The following TENM3 variants were observed in gnomAD, a reference collection of about 807,000 sequenced individuals.
TENM3 encodes the protein teneurin-3.
TENM3 carries 63 observed loss-of-function variants against 255.1 expected under a neutral mutation model. The observed-to-expected ratio is 0.25, with a 90% confidence interval of 0.20 to 0.30. TENM3 has a LOEUF of 0.30. Among genes scored for constraint, TENM3 ranks in the 10% least tolerant of loss-of-function variants. The pLI is 1.00. For missense variants in TENM3, 2,929 were observed against 3,461.1 expected, an observed-to-expected ratio of 0.85 and a Z score of 3.86; for synonymous variants, 1,306 against 1,322.3, an observed-to-expected ratio of 0.99 and a Z score of 0.27.
the TENM3 span, among the ~76,000 whole-genome samples, chr4:181,742,992 C>G: frequency 6.6e-6 from 1 of 151,732 alleles, no homozygotes; most frequent in Non-Finnish European, 1.5e-5. Context: ...CATGTCCCTA[C>G]AAAGAACATG....
At chr4:181,828,514 G>A in the TENM3 span, among the ~76,000 whole-genome samples, 5 of 152,192 alleles carry the variant, frequency 3.3e-5, no homozygotes, top group Admixed American at 2.6e-4. Context: ...AAGAGTTCAT[G>A]TTTCTTGCCC....
At chr4:182,457,556 A>ACCTTTT (rs1773976614) in intron 3 of TENM3, among the ~76,000 whole-genome samples, 1 of 38,988 alleles carries the variant, frequency 2.6e-5, no homozygotes, top group Non-Finnish European at 6.0e-5. Flanking sequence ...AATCATGTAT[A>ACCTTTT]TCTTTTTTTT....
the TENM3 span, among the ~76,000 whole-genome samples, chr4:181,965,870 C>T: frequency 6.6e-6 from 1 of 152,170 alleles, no homozygotes; most frequent in African/African-American, 2.4e-5. Flanking sequence ...CATCCCATCA[C>T]TTGGAGTGAT....
chr4:182,688,219 C>G lies in TENM3; in HGVS notation c.2089C>G (p.Arg697Gly), dbSNP rs766457503. 1 of 1,613,848 alleles carries G rather than the reference C, an allele frequency of 6.2e-7. No homozygotes were observed. The highest frequency in any genetic ancestry group is 8.5e-7 in the Non-Finnish European group (1 of 1,179,852). ...CGGCGTTTGCATGGGGGGGACGTGTCGCTGTGAAGAAGGCTGGACGGGCCC... is the reference window on the plus strand; with the variant it reads ...CGGCGTTTGCATGGGGGGGACGTGTGGCTGTGAAGAAGGCTGGACGGGCCC... ...SHGVCMGGTC[R>G]CEEGWTGPAC... Residue 697 changes from arginine to glycine, a missense_variant, in exon 12 of 28, where the codon CGC becomes GGC. Physicochemically the swap from Arg to Gly is moderately radical, Grantham distance 125 (BLOSUM62 -2). Transcript: ENST00000511685.
chr4:181,733,788 T>A, the TENM3 span, among the ~76,000 whole-genome samples: 1 of 152,182 alleles, frequency 6.6e-6, no homozygotes. Context: ...CTGCTTCCCA[T>A]TCTTTGTTTT....
chr4:182,392,054 C>G lies in TENM3; in HGVS notation c.511+45125C>G, dbSNP rs148781547. On this transcript the variant is annotated intron_variant, in intron 3 of 27. Coordinates refer to ENST00000511685, the MANE Select transcript of TENM3 (RefSeq NM_001080477.4). ...TTTTTAGTTAACTTTACTTATAATT[C>G]AACTACCAGTACTCTCAAGTCACTG... is the stretch of plus-strand genomic sequence containing the variant. 4.1e-3 allele frequency among the ~76,000 whole-genome samples: 627 copies of G among 152,284 alleles called. 5 individuals carry two copies. Among genetic ancestry groups the G allele is most frequent in the African/African-American group, 0.015 (603 of 41,554 alleles).
chr4:181,768,484 T>G, the TENM3 span, among the ~76,000 whole-genome samples: 3 of 152,222 alleles, frequency 2.0e-5, no homozygotes, highest in Non-Finnish European at 2.9e-5. Context: ...ACAAAAATAG[T>G]TCTTAGTTTT....
intron 3 of TENM3, among the ~76,000 whole-genome samples, chr4:182,531,209 C>T (rs1433355469): frequency 6.6e-6 from 1 of 152,046 alleles, no homozygotes; most frequent in Non-Finnish European, 1.5e-5. Flanking sequence ...ACTTCCGAGA[C>T]ATTCAATAAG....
chr4:181,816,945 G>A, the TENM3 span, among the ~76,000 whole-genome samples: 3 of 152,192 alleles, frequency 2.0e-5, no homozygotes, highest in Non-Finnish European at 4.4e-5. Flanking sequence ...CATCCTATGA[G>A]AGATAGTTTC....
At chr4:182,646,993 A>T (rs767352477) in intron 5 of TENM3, among the ~76,000 whole-genome samples, 8 of 152,194 alleles carry the variant, frequency 5.3e-5, no homozygotes, top group Non-Finnish European at 1.0e-4. Flanking sequence ...GTAAGTAAGC[A>T]TGACATTTAT....
chr4:182,650,889 A>AAAAAAAAAATATATAT (rs1281790163), intron 5 of TENM3, among the ~76,000 whole-genome samples: 1 of 29,774 alleles, frequency 3.4e-5, no homozygotes, highest in Non-Finnish European at 5.7e-5. Context: ...AATAAAAAAA[A>AAAAAAAAAATATATAT]ATATATATAT....
chr4:182,411,986 A>C (rs1336743752), intron 3 of TENM3, among the ~76,000 whole-genome samples: 2 of 152,206 alleles, frequency 1.3e-5, no homozygotes, highest in Non-Finnish European at 2.9e-5. Flanking sequence ...GAGAAACAGA[A>C]GCAGGTAGAG....
At chr4:182,291,821 C>T (rs1366842761) in intron 1 of TENM3, among the ~76,000 whole-genome samples, 1 of 152,068 alleles carries the variant, frequency 6.6e-6, no homozygotes, top group Non-Finnish European at 1.5e-5. Flanking sequence ...AGTGGGGTCG[C>T]GTTCCCATGG....
At chr4:182,232,726 C>G (rs576727696) in intron 1 of TENM3, among the ~76,000 whole-genome samples, 58 of 152,200 alleles carry the variant, frequency 3.8e-4, no homozygotes, top group Middle Eastern at 3.4e-3. Flanking sequence ...TGAATTCCCC[C>G]CTTCTCTGGG....
chr4:182,728,509 A>G (rs2152707153), intron 13 of TENM3, among the ~76,000 whole-genome samples: 1 of 152,310 alleles, frequency 6.6e-6, no homozygotes, highest in African/African-American at 2.4e-5. Context: ...AAGTAGATTT[A>G]TGTGTCACAT....
At chr4:181,460,716 A>G in the TENM3 span, among the ~76,000 whole-genome samples, 3 of 148,734 alleles carry the variant, frequency 2.0e-5, no homozygotes, top group African/African-American at 7.4e-5. Context: ...GGCTTACAAT[A>G]CACCCAGTTA....
intron 6 of TENM3, among the ~76,000 whole-genome samples, chr4:182,670,216 GA>G (rs1247314792): frequency 6.6e-6 from 1 of 152,046 alleles, no homozygotes; most frequent in Non-Finnish European, 1.5e-5. Flanking sequence ...TGAATCCTAT[GA>G]ATGATCTACA....
At chr4:182,375,452 T>TA (rs1561380428) in intron 3 of TENM3, among the ~76,000 whole-genome samples, 1 of 152,224 alleles carries the variant, frequency 6.6e-6, no homozygotes, top group African/African-American at 2.4e-5. Flanking sequence ...GAAAGGTTTT[T>TA]ATTTTCCTAG....
intron 1 of TENM3, among the ~76,000 whole-genome samples, chr4:182,317,197 C>T (rs1407507124): frequency 6.6e-6 from 1 of 152,176 alleles, no homozygotes; most frequent in Non-Finnish European, 1.5e-5. Flanking sequence ...TCCTCAATCA[C>T]TATTCATTAT....
Sources: allele counts gnomAD v4.1 joint callset (sites outside exome capture counted in the v4.1 genomes callset), GRCh38; gene constraint gnomAD v4.1.1; transcripts MANE v1.5; gene names NCBI Gene and HGNC (gene_info 2026-07-23, HGNC 2026-07-21).